The following SLC41A2 variants were observed in gnomAD, a reference collection of about 807,000 sequenced individuals.
SLC41A2 encodes solute carrier family 41 member 2.
A neutral mutation model predicts 58.3 loss-of-function variants in SLC41A2; 32 were observed. The ratio of observed to expected loss-of-function variants is 0.55; its 90% CI spans 0.41 to 0.74. The LOEUF (loss-of-function observed/expected upper bound fraction) is 0.74, where lower values mean the gene tolerates loss of function less well. Ranked by LOEUF, SLC41A2 falls within the 30% of genes least tolerant of loss-of-function variation. The pLI, the probability that SLC41A2 is intolerant of heterozygous loss-of-function variation, is 0.00. For synonymous variants in SLC41A2, 190 were observed against 235.0 expected (o/e 0.81, Z 1.75); for missense variants, 514 against 680.6 (o/e 0.76, Z 2.72).
chr12:104,915,822 G>A (rs1055957914), intron 2 of SLC41A2, among the ~76,000 whole-genome samples: 3 of 152,212 alleles, frequency 2.0e-5, no homozygotes, highest in African/African-American at 4.8e-5. Flanking sequence ...TAGGAGTGGT[G>A]AGAGAGGGCA....
chr12:104,941,414 TA>T (rs1234096028), intron 1 of SLC41A2, among the ~76,000 whole-genome samples: 3 of 152,208 alleles, frequency 2.0e-5, no homozygotes, highest in Non-Finnish European at 2.9e-5. Context: ...AAATCCTCAA[TA>T]CATCGCAAAT....
intron 8 of SLC41A2, among the ~76,000 whole-genome samples, chr12:104,846,210 G>A (rs1397699713): frequency 6.6e-6 from 1 of 152,146 alleles, no homozygotes; most frequent in African/African-American, 2.4e-5. Flanking sequence ...GCAGACCAGA[G>A]CAGGTAATTT....
chr12:104,819,939 T>C (rs1592933064), intron 10 of SLC41A2, among the ~76,000 whole-genome samples: 1 of 152,334 alleles, frequency 6.6e-6, no homozygotes, highest in Middle Eastern at 3.4e-3. Flanking sequence ...CCTCAAGGTC[T>C]GGGAATAGCT....
At chr12:104,881,254 T>C (rs894492403) in intron 6 of SLC41A2, among the ~76,000 whole-genome samples, 9 of 152,188 alleles carry the variant, frequency 5.9e-5, no homozygotes, top group African/African-American at 2.2e-4. Context: ...TGTTGATCTT[T>C]TCAAAAAACC....
At chr12:104,916,178 T>C (rs1324077466) in intron 2 of SLC41A2, among the ~76,000 whole-genome samples, 1 of 152,194 alleles carries the variant, frequency 6.6e-6, no homozygotes, top group Non-Finnish European at 1.5e-5. Flanking sequence ...TTGCCAGTAT[T>C]TTATTGAGGA....
At chr12:104,901,005 G>C (rs1330218880) in intron 3 of SLC41A2, among the ~76,000 whole-genome samples, 2 of 152,134 alleles carry the variant, frequency 1.3e-5, no homozygotes, top group African/African-American at 2.4e-5. Flanking sequence ...GCTTGGCATA[G>C]AGTAAGGGCT....
intron 10 of SLC41A2, among the ~76,000 whole-genome samples, chr12:104,828,566 CT>C (rs1305143768): frequency 6.6e-6 from 1 of 152,158 alleles, no homozygotes; most frequent in African/African-American, 2.4e-5. Flanking sequence ...GGGTTTGGAG[CT>C]CCACAGCCTG....
chr12:104,843,025 A>T (rs1375445825), intron 10 of SLC41A2, among the ~76,000 whole-genome samples: 4 of 152,056 alleles, frequency 2.6e-5, no homozygotes, highest in African/African-American at 9.7e-5. Flanking sequence ...AACATATATG[A>T]CAATAAATGA....
intron 10 of SLC41A2, among the ~76,000 whole-genome samples, 194 bp downstream of exon 10, chr12:104,844,278 T>C (rs1167320335): frequency 6.6e-6 from 1 of 152,196 alleles, no homozygotes; most frequent in Non-Finnish European, 1.5e-5. Context: ...AAACAATGTT[T>C]ACATGAACCT....
At chr12:104,881,949 T>G (rs950383405) in intron 6 of SLC41A2, among the ~76,000 whole-genome samples, 2 of 152,204 alleles carry the variant, frequency 1.3e-5, no homozygotes, top group African/African-American at 4.8e-5. Context: ...TGTGGGAGTC[T>G]AAGTCTCTTT....
At chr12:104,861,083 A>T (rs1030809435) in intron 8 of SLC41A2, among the ~76,000 whole-genome samples, 1 of 152,206 alleles carries the variant, frequency 6.6e-6, no homozygotes, top group African/African-American at 2.4e-5. Context: ...GATAAGATTA[A>T]GAAAGATTAC....
chr12:104,923,566 A>C (rs559099622), intron 2 of SLC41A2, among the ~76,000 whole-genome samples: 3 of 152,240 alleles, frequency 2.0e-5, no homozygotes, highest in Admixed American at 2.0e-4. Flanking sequence ...TAAAATCAAC[A>C]AACTTTTAGC....
intron 6 of SLC41A2, among the ~76,000 whole-genome samples, chr12:104,878,801 G>T (rs2044199426): frequency 6.6e-6 from 1 of 152,204 alleles, no homozygotes; most frequent in African/African-American, 2.4e-5. Context: ...ATAGCAGCAT[G>T]ATTTATAATC....
chr12:104,922,533 T>C (rs2046645791), intron 2 of SLC41A2, among the ~76,000 whole-genome samples: 1 of 151,970 alleles, frequency 6.6e-6, no homozygotes, highest in South Asian at 2.1e-4. Context: ...AAAGCAAACA[T>C]TTATAAATCT....
At chr12:104,955,323 G>A (rs2048119892) in intron 1 of SLC41A2, among the ~76,000 whole-genome samples, 1 of 151,952 alleles carries the variant, frequency 6.6e-6, no homozygotes, top group Non-Finnish European at 1.5e-5. Context: ...GCTGGCCCTC[G>A]CTTTCTGATT....
At position 104,899,446 on chromosome 12, in the gene SLC41A2, T is replaced by C. The variant is rs149377269; in HGVS notation, c.664-4101A>G. 6.8e-4 allele frequency among the ~76,000 whole-genome samples: 104 copies of C among 152,306 alleles called. 2 individuals carry two copies. Among genetic ancestry groups the C allele is most frequent in the Admixed American group, 5.9e-3 (90 of 15,304 alleles). ...TGCTCTTGTGATGATAACTGAGCTT[T>C]CATTCTAATAGGCAGTTAACTTGAC... On this transcript the variant is annotated intron_variant, in intron 3 of 10. Transcript: ENST00000258538.
chr12:104,827,913 GAGA>G (rs2041902838), intron 10 of SLC41A2, among the ~76,000 whole-genome samples: 1 of 152,206 alleles, frequency 6.6e-6, no homozygotes, highest in Non-Finnish European at 1.5e-5. Context: ...GACGGAATTG[GAGA>G]AGAAGTGCTG....
chr12:104,886,716 G>T (rs1212885811), intron 5 of SLC41A2, among the ~76,000 whole-genome samples: 2 of 151,956 alleles, frequency 1.3e-5, no homozygotes, highest in Non-Finnish European at 2.9e-5. Context: ...TTCAGATTTA[G>T]TGACATGTAT....
intron 3 of SLC41A2, 113 bp downstream of exon 3, chr12:104,909,542 C>G: frequency 1.4e-6 from 1 of 723,472 alleles, no homozygotes; most frequent in Non-Finnish European, 2.4e-6. Flanking sequence ...CTTAGCACAG[C>G]CCTGAAGTGC....
Sources: gnomAD v4.1 joint callset for allele counts (sites outside exome capture counted in the v4.1 genomes callset) on GRCh38, gnomAD v4.1.1 for gene constraint, MANE v1.5 for transcripts, NCBI Gene and HGNC (gene_info 2026-07-23, HGNC 2026-07-21) for gene names.